Variants in CTNNA3 observed in about 807,000 individuals in gnomAD.
CTNNA3 encodes the protein catenin alpha 3.
Under a neutral mutation model 95.7 loss-of-function variants are expected in CTNNA3, and 76 were observed. That is an observed-to-expected ratio of 0.79 (90% CI 0.66 to 0.96). CTNNA3 has a LOEUF of 0.96. Among genes scored for constraint, CTNNA3 ranks in the 40% least tolerant of loss-of-function variants. The pLI is 0.00. For synonymous variants in CTNNA3, 431 were observed against 374.4 expected (o/e 1.15, Z -1.74); for missense variants, 1,191 against 1,089.8 (o/e 1.09, Z -1.31).
chr10:66,431,520 G>C (rs966749511), intron 11 of CTNNA3, among the ~76,000 whole-genome samples: 6 of 151,948 alleles, frequency 3.9e-5, no homozygotes, highest in African/African-American at 1.2e-4. Context: ...TGATAGACTG[G>C]ATTAAGAAAA....
chr10:67,194,325 A>T (rs550960804), intron 6 of CTNNA3, among the ~76,000 whole-genome samples: 1 of 152,078 alleles, frequency 6.6e-6, no homozygotes, highest in East Asian at 1.9e-4. Context: ...GAGGTCCTTT[A>T]GTAGGTAAAT....
At chr10:66,749,964 T>C (rs1385150458) in intron 9 of CTNNA3, among the ~76,000 whole-genome samples, 1 of 152,238 alleles carries the variant, frequency 6.6e-6, no homozygotes, top group Non-Finnish European at 1.5e-5. Context: ...CCCAATGATA[T>C]ATGATGTTGA....
chr10:67,761,343 T>C (rs1249120854), intron 1 of CTNNA3, among the ~76,000 whole-genome samples: 1 of 152,170 alleles, frequency 6.6e-6, no homozygotes, highest in Non-Finnish European at 1.5e-5. Flanking sequence ...TTAATGGTTC[T>C]TCCAGCATTA....
chr10:66,891,362 T>G (rs1197979498), intron 7 of CTNNA3, among the ~76,000 whole-genome samples: 8 of 152,350 alleles, frequency 5.3e-5, no homozygotes, highest in East Asian at 1.9e-4. Context: ...GAGGGTCTGA[T>G]AGCTCTCATA....
intron 5 of CTNNA3, among the ~76,000 whole-genome samples, chr10:67,356,856 C>T (rs1014617012): frequency 2.0e-5 from 3 of 152,030 alleles, no homozygotes; most frequent in African/African-American, 7.2e-5. Flanking sequence ...AGCTTTCCAC[C>T]CACTTGAACC....
chr10:66,061,697 T>G (rs915957868), intron 15 of CTNNA3, among the ~76,000 whole-genome samples: 3 of 152,058 alleles, frequency 2.0e-5, no homozygotes, highest in African/African-American at 7.2e-5. Flanking sequence ...ACGTGACTCA[T>G]TCCTACCTGC....
chr10:66,062,731 T>G (rs1311859047), intron 15 of CTNNA3, among the ~76,000 whole-genome samples: 2 of 152,156 alleles, frequency 1.3e-5, no homozygotes, highest in African/African-American at 4.8e-5. Flanking sequence ...CTTCCTTTAT[T>G]GCAGTTCAAA....
intron 5 of CTNNA3, among the ~76,000 whole-genome samples, chr10:67,297,965 G>A (rs1310501674): frequency 3.9e-5 from 6 of 152,078 alleles, no homozygotes; most frequent in African/African-American, 9.7e-5. Context: ...TCTGTCTATC[G>A]CATACATTTC....
At chr10:66,960,587 AAAAC>A (rs569198761) in intron 7 of CTNNA3, among the ~76,000 whole-genome samples, 5 of 152,224 alleles carry the variant, frequency 3.3e-5, no homozygotes, top group Non-Finnish European at 5.9e-5. Flanking sequence ...AAAAGAGAGA[AAAAC>A]AGAAGACATT....
intron 5 of CTNNA3, among the ~76,000 whole-genome samples, chr10:67,361,210 C>G (rs2132670693): frequency 6.6e-6 from 1 of 152,210 alleles, no homozygotes; most frequent in Non-Finnish European, 1.5e-5. Context: ...CAGCATTAGA[C>G]AGATCACTGA....
At chr10:67,750,329 G>T in intron 1 of CTNNA3, 11 of 1,523,554 alleles carry the variant, frequency 7.2e-6, no homozygotes, top group Non-Finnish European at 1.0e-5. Context: ...GATGCCCATT[G>T]TGGGCCTGGG....
chr10:66,216,860 G>A (rs1476098482), intron 13 of CTNNA3, among the ~76,000 whole-genome samples: 1 of 152,078 alleles, frequency 6.6e-6, no homozygotes, highest in Non-Finnish European at 1.5e-5. Flanking sequence ...AATGTGTATA[G>A]CTTCATGCCA....
chr10:67,402,224 G>A (rs543565418), intron 5 of CTNNA3, among the ~76,000 whole-genome samples: 1 of 152,304 alleles, frequency 6.6e-6, no homozygotes, highest in South Asian at 2.1e-4. Context: ...GCTGAAAGGT[G>A]AAATTCTCAC....
intron 1 of CTNNA3, among the ~76,000 whole-genome samples, chr10:67,653,911 C>A (rs762772832): frequency 4.1e-4 from 63 of 152,194 alleles, no homozygotes; most frequent in Admixed American, 2.9e-3. Context: ...AACCCACTTC[C>A]AGTGCCTATG....
At chr10:67,500,651 T>C (rs1236154465) in intron 5 of CTNNA3, among the ~76,000 whole-genome samples, 4 of 152,264 alleles carry the variant, frequency 2.6e-5, no homozygotes, top group African/African-American at 9.6e-5. Flanking sequence ...TAGCTCTTCT[T>C]GTCACGTTGA....
At chr10:67,607,182 C>G in intron 2 of CTNNA3, 133 bp from the exon 3 acceptor site, 1 of 627,218 alleles carries the variant, frequency 1.6e-6, no homozygotes, top group Non-Finnish European at 2.7e-6. Context: ...CGCCAACCCA[C>G]CGTGCAGTTG....
intron 7 of CTNNA3, among the ~76,000 whole-genome samples, chr10:67,142,086 C>A (rs937248536): frequency 2.0e-5 from 3 of 151,400 alleles, no homozygotes; most frequent in African/African-American, 4.9e-5. Flanking sequence ...TCTTCTTCAA[C>A]AAAATTTTCT....
intron 1 of CTNNA3, among the ~76,000 whole-genome samples, chr10:67,740,497 A>G (rs1036320619): frequency 1.3e-5 from 2 of 151,432 alleles, no homozygotes; most frequent in African/African-American, 2.4e-5. Flanking sequence ...AGGTGGGCAA[A>G]GGACATGAAC....
At chr10:67,280,581 C>G (rs1314669305) in intron 5 of CTNNA3, among the ~76,000 whole-genome samples, 1 of 151,884 alleles carries the variant, frequency 6.6e-6, no homozygotes, top group Non-Finnish European at 1.5e-5. Flanking sequence ...CAGGTCACCA[C>G]ACACAAGCTG....
Sources: gnomAD v4.1 joint callset for allele counts (sites outside exome capture counted in the v4.1 genomes callset) on GRCh38, gnomAD v4.1.1 for gene constraint, MANE v1.5 for transcripts, NCBI Gene and HGNC (gene_info 2026-07-23, HGNC 2026-07-21) for gene names.